The following CACNA2D3 variants were observed in gnomAD, a reference collection of about 807,000 sequenced individuals.
CACNA2D3 encodes calcium voltage-gated channel auxiliary subunit alpha2delta 3.
In CACNA2D3, 60 loss-of-function variants were observed where a neutral mutation model predicts 160.6. The observed-to-expected ratio is 0.37, with a 90% confidence interval of 0.30 to 0.46. The LOEUF (loss-of-function observed/expected upper bound fraction) is 0.46. Ranked by LOEUF, CACNA2D3 falls within the 20% of genes least tolerant of loss-of-function variation. The pLI is 1.00. For synonymous variants in CACNA2D3, 558 were observed against 492.9 expected (o/e 1.13, Z -1.75); for missense variants, 1,205 against 1,365.0 (o/e 0.88, Z 1.85).
intron 10 of CACNA2D3, among the ~76,000 whole-genome samples, chr3:54,631,334 T>C (rs1699234208): frequency 6.6e-6 from 1 of 152,174 alleles, no homozygotes; most frequent in African/African-American, 2.4e-5. Context: ...AAACATTTCA[T>C]ATCATCTATT....
chr3:54,657,522 C>T (rs1699896056), intron 11 of CACNA2D3, among the ~76,000 whole-genome samples: 1 of 152,192 alleles, frequency 6.6e-6, no homozygotes, highest in South Asian at 2.1e-4. Context: ...TCAACAACAG[C>T]TCCCATGATC....
At chr3:54,886,363 C>T (rs1699926298) in intron 23 of CACNA2D3, among the ~76,000 whole-genome samples, 1 of 152,182 alleles carries the variant, frequency 6.6e-6, no homozygotes, top group African/African-American at 2.4e-5. Flanking sequence ...GGGAAAGGAT[C>T]AGATGGACAT....
chr3:54,705,463 G>T (rs561250014), intron 11 of CACNA2D3, among the ~76,000 whole-genome samples: 1 of 152,294 alleles, frequency 6.6e-6, no homozygotes, highest in East Asian at 1.9e-4. Flanking sequence ...GCTGCAATTG[G>T]TTCTCACAGG....
chr3:54,914,885 A>G (rs1026999261), intron 27 of CACNA2D3, among the ~76,000 whole-genome samples: 2 of 152,250 alleles, frequency 1.3e-5, no homozygotes, highest in African/African-American at 4.8e-5. Flanking sequence ...CCTGACCTGC[A>G]ATAGAAAGTT....
chr3:54,123,014 G>T (rs1369669975), intron 1 of CACNA2D3, among the ~76,000 whole-genome samples, 179 bp downstream of exon 1: 1 of 152,120 alleles, frequency 6.6e-6, no homozygotes, highest in East Asian at 1.9e-4. Flanking sequence ...GGATGCTCTG[G>T]CCCCTGCCCG....
intron 2 of CACNA2D3, among the ~76,000 whole-genome samples, chr3:54,153,369 T>G (rs1279126617): frequency 6.6e-6 from 1 of 152,212 alleles, no homozygotes; most frequent in East Asian, 1.9e-4. Context: ...TCATATTTAT[T>G]TTGCAGCAAA....
chr3:54,535,134 C>G (rs1701868511), intron 5 of CACNA2D3, among the ~76,000 whole-genome samples: 1 of 152,166 alleles, frequency 6.6e-6, no homozygotes, highest in Non-Finnish European at 1.5e-5. Flanking sequence ...GGAACAGTGG[C>G]TCACATATCG....
rs183661318 is a variant in CACNA2D3 at position 54,230,032 on chromosome 3, G to A, written c.205-90410G>A. ...GAAAAATGTTATGCAAGTAGGAAGC[G>A]TTGCCAAAGGTAATTTTAAGTTTAA... is the stretch of plus-strand genomic sequence containing the variant. On this transcript the variant is annotated intron_variant, in intron 2 of 37. Coordinates refer to ENST00000474759, the MANE Select transcript of CACNA2D3 (RefSeq NM_018398.3). 3.8e-3 allele frequency among the ~76,000 whole-genome samples: 576 copies of A among 151,932 alleles called. 4 individuals are homozygous for A. The highest frequency in any genetic ancestry group is 0.013 in the African/African-American group (545 of 41,444).
intron 18 of CACNA2D3, among the ~76,000 whole-genome samples, chr3:54,875,917 C>T (rs1001352072): frequency 6.6e-6 from 1 of 152,188 alleles, no homozygotes; most frequent in East Asian, 1.9e-4. Flanking sequence ...TGCATTACCA[C>T]ACTTGCGAAT....
At chr3:54,321,838 G>A (rs1305933963) in intron 3 of CACNA2D3, among the ~76,000 whole-genome samples, 1 of 148,438 alleles carries the variant, frequency 6.7e-6, no homozygotes, top group Non-Finnish European at 1.5e-5. Context: ...GCATATGAAA[G>A]CATTTCTGTC....
chr3:54,438,709 TAGTG>T (rs750708703), intron 4 of CACNA2D3, among the ~76,000 whole-genome samples: 2 of 152,194 alleles, frequency 1.3e-5, no homozygotes, highest in Non-Finnish European at 2.9e-5. Flanking sequence ...GTAATCATAA[TAGTG>T]AGAGACATTA....
chr3:54,648,665 A>G lies in CACNA2D3; in HGVS notation c.1167+6424A>G, dbSNP rs1336192452. ...ATAAAGGAACACCTGCGGTTGGGTA[A>G]TTTATAAAGAAAAGAGGTGTATATG... is the stretch of plus-strand genomic sequence containing the variant. On this transcript the variant is annotated intron_variant, in intron 11 of 37. Transcript: ENST00000474759. Among the ~76,000 whole-genome samples the G allele has an allele frequency of 4.6e-5, 7 of 152,304 alleles. No homozygotes were observed. In the East Asian group the frequency reaches 1.4e-3, roughly 29 times the overall value.
chr3:54,227,319 G>A (rs538477357), intron 2 of CACNA2D3, among the ~76,000 whole-genome samples: 19 of 152,072 alleles, frequency 1.2e-4, no homozygotes, highest in Admixed American at 4.6e-4. Flanking sequence ...CGCTTCCTGG[G>A]GATAAGCTAT....
Position 54,122,794 on chromosome 3 carries a change from G to C in CACNA2D3, c.81G>C (p.Leu27=). The change falls in exon 1 of 38, where the codon CTG becomes CTC. Residue 27 remains leucine (L), a synonymous_variant. Transcript: ENST00000474759. The part of the protein sequence containing the change: ...LLAAALLYAA[L]GDVVRSEQQI... ...CTGCCGCGCTTCTCTACGCCGCGCT[G>C]GGGGACGTGGTGCGCTCGGAGCAGC... 1 of 1,231,860 alleles carries C rather than the reference G, an allele frequency of 8.1e-7. No individual in the cohort carries two copies. Among genetic ancestry groups the C allele is most frequent in the African/African-American group, 1.6e-5 (1 of 64,086 alleles). The allele number at this position is 1,231,860 out of a possible 1,614,324, so 76.3% of individuals were successfully genotyped here.
intron 11 of CACNA2D3, among the ~76,000 whole-genome samples, chr3:54,718,214 A>G (rs1225988422): frequency 2.0e-5 from 3 of 152,054 alleles, no homozygotes; most frequent in African/African-American, 7.2e-5. Flanking sequence ...CTATCTTTTG[A>G]TGAACAGAAG....
chr3:54,598,705 T>C, intron 9 of CACNA2D3, among the ~76,000 whole-genome samples: 1 of 152,292 alleles, frequency 6.6e-6, no homozygotes, highest in African/African-American at 2.4e-5. Context: ...AACCACTAAG[T>C]TAGAATGTCC....
chr3:54,398,245 C>T (rs1699391254), intron 4 of CACNA2D3, among the ~76,000 whole-genome samples: 1 of 126,706 alleles, frequency 7.9e-6, no homozygotes, highest in African/African-American at 3.0e-5. Context: ...GAATACAGCA[C>T]ACTGATGGGT....
intron 31 of CACNA2D3, among the ~76,000 whole-genome samples, chr3:54,992,202 C>G (rs375293490): frequency 4.6e-5 from 7 of 152,290 alleles, no homozygotes; most frequent in African/African-American, 1.7e-4. Flanking sequence ...TCATGTGCAG[C>G]CAGCATCAAG....
chr3:54,277,185 C>G (rs1040375861), intron 2 of CACNA2D3, among the ~76,000 whole-genome samples: 1 of 152,224 alleles, frequency 6.6e-6, no homozygotes, highest in Non-Finnish European at 1.5e-5. Flanking sequence ...CCTTTCCTCC[C>G]TTTTTAAAAT....
Sources: allele counts gnomAD v4.1 joint callset (sites outside exome capture counted in the v4.1 genomes callset), GRCh38; gene constraint gnomAD v4.1.1; transcripts MANE v1.5; gene names NCBI Gene and HGNC (gene_info 2026-07-23, HGNC 2026-07-21).